SCN3B: variants seen among roughly 807,000 people sequenced by gnomAD.
The protein encoded by SCN3B is sodium voltage-gated channel beta subunit 3.
In SCN3B, 11 loss-of-function variants were observed where a neutral mutation model predicts 25.4. The observed-to-expected ratio is 0.43, with a 90% CI of 0.27 to 0.72. SCN3B has a LOEUF of 0.72. Among genes scored for constraint, SCN3B ranks in the 30% least tolerant of loss-of-function variants. SCN3B has a pLI of 0.18. For synonymous variants in SCN3B, 109 were observed against 110.7 expected (o/e 0.99, Z 0.09); for missense variants, 218 against 278.3 (o/e 0.78, Z 1.54).
intron 2 of SCN3B, among the ~76,000 whole-genome samples, chr11:123,649,782 C>A (rs1955902136): frequency 6.6e-6 from 1 of 151,870 alleles, no homozygotes; most frequent in Non-Finnish European, 1.5e-5. Context: ...CAGCTTACTG[C>A]AACCTCCGCC....
intron 2 of SCN3B, among the ~76,000 whole-genome samples, chr11:123,650,668 G>A (rs972909754): frequency 6.6e-5 from 10 of 152,266 alleles, no homozygotes; most frequent in Admixed American, 5.2e-4. Flanking sequence ...GGGAGGACAG[G>A]TGCCCTCCTG....
Position 123,642,522 on chromosome 11 carries a change from G to A in SCN3B, c.369C>T (p.Ser123=). 6.2e-7 allele frequency: 1 copy of A among 1,614,164 alleles called. No individual in the cohort carries two copies. Reference sequence around the variant, plus strand: ...GATGCGCCTCAAACTCAAACTCCCGGGACACATTGCAGGTGTAGAGGCCAG... The same window carrying A: ...GATGCGCCTCAAACTCAAACTCCCGAGACACATTGCAGGTGTAGAGGCCAG... The part of the protein sequence containing the change: ...NDSGLYTCNV[S]REFEFEAHRP... Residue 123 remains serine (S), a synonymous_variant, in exon 4 of 7, where the codon TCC becomes TCT. Coordinates refer to ENST00000299333, the MANE Select transcript of SCN3B (RefSeq NM_001040151.2). This position sits in a 1 kb window ranked among gnomAD's most constrained non-coding sequence, Gnocchi z 4.3.
intron 2 of SCN3B, among the ~76,000 whole-genome samples, chr11:123,647,069 A>T (rs1233702894): frequency 6.6e-6 from 1 of 152,214 alleles, no homozygotes; most frequent in Non-Finnish European, 1.5e-5. Flanking sequence ...AAAAGTTATA[A>T]GAAAAAAATA....
rs1179466476 is a variant in SCN3B, at chr11:123,642,156, A to G, written c.445+290T>C. Among the ~76,000 whole-genome samples the G allele has an allele frequency of 6.6e-6, 1 of 152,206 alleles. No homozygotes were observed. The highest frequency in any genetic ancestry group is 1.5e-5 in the Non-Finnish European group (1 of 68,032). ...AAGGCCTAGCTGAATCAGTAGCTTT[A>G]GGCCTCATGGAGGCTAGCCTCTTTC... On this transcript the variant is annotated intron_variant, in intron 4 of 6. Transcript: ENST00000299333. This position sits in a 1 kb window ranked among gnomAD's most constrained non-coding sequence, Gnocchi z 4.3.
rs1412379138 is a variant in SCN3B, at chr11:123,631,987, C to G, written c.*1812G>C. The G allele has an allele frequency of 6.6e-6, 1 of 152,206 alleles. No homozygotes were observed. The highest frequency in any genetic ancestry group is 2.4e-5 in the African/African-American group (1 of 41,446). The allele number at this position is 152,206 out of a possible 1,614,324, so 9.4% of individuals were successfully genotyped here. On this transcript the variant is annotated 3_prime_UTR_variant, in exon 7 of 7. Coordinates refer to ENST00000299333, the MANE Select transcript of SCN3B (RefSeq NM_001040151.2). ...GAGGTCCCAGGTCTGAGGGACCTCT[C>G]TCTCGCTGAATCCCAGTCACCTTCA...
chr11:123,631,382 C>T lies in SCN3B; in HGVS notation c.*2417G>A, dbSNP rs575068541. 7.2e-5 allele frequency: 11 copies of T among 152,270 alleles called. No homozygotes were observed. The highest frequency in any genetic ancestry group is 7.2e-4 in the Admixed American group (11 of 15,304). The allele number at this position is 152,270 out of a possible 1,614,324, so 9.4% of individuals were successfully genotyped here. The stretch of plus-strand genomic sequence containing the variant: ...GAGCTATGGGACTGGAAAAATTTCA[C>T]ACTGAGGCCAATTTTTCTAACTATA... On this transcript the variant is annotated 3_prime_UTR_variant, in exon 7 of 7. Transcript: ENST00000299333.
At chr11:123,653,976 G>A in intron 1 of SCN3B, 150 bp from the exon 2 acceptor site, 1 of 715,532 alleles carries the variant, frequency 1.4e-6, no homozygotes, top group Admixed American at 2.3e-5. Context: ...AGCTTTTGGA[G>A]CCGGGTGGGG....
intron 3 of SCN3B, among the ~76,000 whole-genome samples, chr11:123,644,132 G>A (rs529195014): frequency 6.6e-6 from 1 of 152,318 alleles, no homozygotes; most frequent in Admixed American, 6.5e-5. Flanking sequence ...CCTGGCTCAA[G>A]TCAAAGCTGT....
At chr11:123,644,800 A>AATATAT (rs56135097) in intron 3 of SCN3B, among the ~76,000 whole-genome samples, 172 of 45,522 alleles carry the variant, frequency 3.8e-3, no homozygotes, top group East Asian at 6.3e-3. Context: ...AGAGAGAGAG[A>AATATAT]ATATATATAT....
intron 2 of SCN3B, among the ~76,000 whole-genome samples, chr11:123,653,184 GC>G (rs1388868588): frequency 6.6e-6 from 1 of 152,014 alleles, no homozygotes; most frequent in Non-Finnish European, 1.5e-5. Context: ...AAAGAAAGAT[GC>G]ATTTCACAGT....
In SCN3B at chr11:123,632,635, A is replaced by G. The variant is rs2137229277; in HGVS notation, c.*1164T>C. The G allele has an allele frequency of 6.6e-6, 1 of 152,246 alleles. No homozygotes were observed. The highest frequency in any genetic ancestry group is 1.5e-5 in the Non-Finnish European group (1 of 68,060). 9.4% of individuals were successfully genotyped at this position (152,246 alleles called of 1,614,324 possible). A position where few individuals can be genotyped will look rare whatever the true frequency, so the allele number is the denominator to read the frequency against. ...AAACCCTGTCTGTACTAAAAATACA[A>G]AATTTAGCCAGGCGTGGTGGTGCAC... On this transcript the variant is annotated 3_prime_UTR_variant, in exon 7 of 7. Coordinates refer to ENST00000299333, the MANE Select transcript of SCN3B (RefSeq NM_001040151.2).
Position 123,642,258 on chromosome 11 carries a change from G to A in SCN3B, c.445+188C>T, listed in dbSNP as rs528765890. Among the ~76,000 whole-genome samples the A allele has an allele frequency of 6.6e-6, 1 of 152,312 alleles. No homozygotes were observed. Among genetic ancestry groups the A allele is most frequent in the South Asian group, 2.1e-4 (1 of 4,824 alleles). ...GAGGAAAGGCACAGAAAGACAAGCTGCTTAGGGAATTTACAGGAAGCTGGC... is the reference window on the plus strand; with the variant it reads ...GAGGAAAGGCACAGAAAGACAAGCTACTTAGGGAATTTACAGGAAGCTGGC... On this transcript the variant is annotated intron_variant, in intron 4 of 6. Transcript: ENST00000299333. This position sits in a 1 kb window ranked among gnomAD's most constrained non-coding sequence, Gnocchi z 4.3.
chr11:123,633,731 A>G lies in SCN3B; in HGVS notation c.*68T>C. ...TTGGGGCGCCCTCCTGATGCCATTG[A>G]CATTGCTGAACATGGGATGTCCAGT... On this transcript the variant is annotated 3_prime_UTR_variant, in exon 7 of 7. Transcript: ENST00000299333. 6.8e-6 allele frequency: 2 copies of G among 296,052 alleles called. No individual in the cohort carries two copies. Among genetic ancestry groups the G allele is most frequent in the Non-Finnish European group, 1.3e-5 (2 of 150,532 alleles). The allele number at this position is 296,052 out of a possible 1,614,324, so 18.3% of individuals were successfully genotyped here. A position where few individuals can be genotyped will look rare whatever the true frequency, so the allele number is the denominator to read the frequency against.
At chr11:123,637,980 G>C (rs4554899) in intron 5 of SCN3B, among the ~76,000 whole-genome samples, 1 of 152,004 alleles carries the variant, frequency 6.6e-6, no homozygotes, top group South Asian at 2.1e-4. Flanking sequence ...TTAATTTTTC[G>C]TAATGAATTA....
At position 123,634,124 on chromosome 11, in the gene SCN3B, A is replaced by G; in HGVS notation, c.*19T>C. 1.9e-6 allele frequency: 3 copies of G among 1,612,732 alleles called. No homozygotes were observed. The highest frequency in any genetic ancestry group is 2.5e-6 in the Non-Finnish European group (3 of 1,178,874). On this transcript the variant is annotated 3_prime_UTR_variant, in exon 6 of 7. Coordinates refer to ENST00000299333, the MANE Select transcript of SCN3B (RefSeq NM_001040151.2). ...CTCCCATGTTCCTGTAGGTCACCTC[A>G]TGTCACACTGCTCCTGTTCTATTCC...
In SCN3B at chr11:123,642,494, G is replaced by T. The variant is rs781163714; in HGVS notation, c.397C>A (p.Pro133Thr). Residue 133 changes from proline to threonine, a missense_variant, in exon 4 of 7, where the codon CCC (proline) becomes ACC (threonine). By Grantham distance (38) the Pro-to-Thr change is conservative (BLOSUM62 -1). Transcript: ENST00000299333. This position sits in a 1 kb window ranked among gnomAD's most constrained non-coding sequence, Gnocchi z 4.3. ...SREFEFEAHR[P>T]FVKTTRLIPL... ...ATCAGCCGCGTCGTCTTCACAAAGG[G>T]CCGATGCGCCTCAAACTCAAACTCC... 3 of 1,614,138 alleles carry T rather than the reference G, an allele frequency of 1.9e-6. No individual in the cohort carries two copies. The highest frequency in any genetic ancestry group is 2.5e-6 in the Non-Finnish European group (3 of 1,180,028).
chr11:123,643,510 A>G (rs530152711), intron 3 of SCN3B, among the ~76,000 whole-genome samples: 2 of 152,352 alleles, frequency 1.3e-5, no homozygotes, highest in African/African-American at 4.8e-5. Flanking sequence ...ATACAATGTA[A>G]AATTCAGTTC....
At chr11:123,635,685 C>T (rs1367992296) in intron 5 of SCN3B, among the ~76,000 whole-genome samples, 2 of 130,032 alleles carry the variant, frequency 1.5e-5, no homozygotes, top group African/African-American at 5.7e-5. Flanking sequence ...GACTCTGTCT[C>T]AAAAAAAAAA....
rs747776064 is a variant in SCN3B, at chr11:123,638,233, A to G, written c.537T>C (p.Tyr179=). Residue 179 remains tyrosine (Y), a synonymous_variant, in exon 5 of 7, where the codon TAT becomes TAC. Transcript: ENST00000299333. ...CGGCTTTTGAGACCTTTCTGTAGCA[A>G]TATATCATCTCGATGAGCAGCCACA... ...LTLWLLIEMI[Y]CYRKVSKAEE... The G allele has an allele frequency of 3.6e-5, 58 of 1,614,076 alleles. No homozygotes were observed. Among genetic ancestry groups the G allele is most frequent in the Non-Finnish European group, 2.5e-6 (3 of 1,180,054 alleles).
Sources: gnomAD v4.1 joint callset for allele counts (sites outside exome capture counted in the v4.1 genomes callset) on GRCh38, gnomAD v4.1.1 for gene constraint, Gnocchi (gnomAD v3.1) non-coding constraint, MANE v1.5 for transcripts, NCBI Gene and HGNC (gene_info 2026-07-23, HGNC 2026-07-21) for gene names.